Variants in INSYN2B observed in about 807,000 individuals in gnomAD.
INSYN2B encodes inhibitory synaptic factor family member 2B.
In INSYN2B, 16 loss-of-function variants were observed where a neutral mutation model predicts 41.2. The ratio of observed to expected loss-of-function variants is 0.39; its 90% CI spans 0.26 to 0.59. The LOEUF (loss-of-function observed/expected upper bound fraction) is 0.59, where lower values mean the gene tolerates loss of function less well. Ranked by LOEUF, INSYN2B falls within the 20% of genes least tolerant of loss-of-function variation. INSYN2B has a pLI of 0.57. For synonymous variants in INSYN2B, 245 were observed against 244.4 expected (o/e 1.00, Z -0.02); for missense variants, 608 against 646.4 (o/e 0.94, Z 0.64).
intron 1 of INSYN2B, among the ~76,000 whole-genome samples, chr5:169,921,813 A>G (rs1480637150): frequency 1.3e-5 from 2 of 152,200 alleles, no homozygotes; most frequent in Non-Finnish European, 2.9e-5. Flanking sequence ...AGAGCTCTTA[A>G]TCGAACTTTT....
intron 1 of INSYN2B, among the ~76,000 whole-genome samples, chr5:169,953,411 A>G (rs1231785362): frequency 1.3e-5 from 2 of 151,424 alleles, no homozygotes; most frequent in Admixed American, 6.6e-5. Context: ...AGCTTCCTCT[A>G]TTTCTGAGAG....
At chr5:169,959,254 G>C (rs759809802) in intron 1 of INSYN2B, among the ~76,000 whole-genome samples, 1 of 151,954 alleles carries the variant, frequency 6.6e-6, no homozygotes, top group Non-Finnish European at 1.5e-5. Flanking sequence ...ATAGCTGGGC[G>C]TGGTGGTGCA....
chr5:169,971,628 A>G (rs962019072), intron 1 of INSYN2B, among the ~76,000 whole-genome samples: 30 of 152,286 alleles, frequency 2.0e-4, no homozygotes, highest in African/African-American at 7.0e-4. Context: ...TTTTGCTGTT[A>G]ACAGATGAAA....
At chr5:169,873,400 C>T (rs533164909) in intron 3 of INSYN2B, among the ~76,000 whole-genome samples, 2 of 152,194 alleles carry the variant, frequency 1.3e-5, no homozygotes, top group Non-Finnish European at 2.9e-5. Flanking sequence ...TGCTCGAGGG[C>T]ATTGCTATGA....
At chr5:169,973,121 C>A (rs1430557006) in intron 1 of INSYN2B, among the ~76,000 whole-genome samples, 2 of 152,186 alleles carry the variant, frequency 1.3e-5, no homozygotes, top group East Asian at 1.9e-4. Flanking sequence ...CTTTTATCCA[C>A]AAAGTAATCT....
chr5:169,941,963 G>A (rs1181925120), intron 1 of INSYN2B, among the ~76,000 whole-genome samples: 1 of 152,192 alleles, frequency 6.6e-6, no homozygotes, highest in Non-Finnish European at 1.5e-5. Flanking sequence ...CCATTCAGAA[G>A]TAAAACTGTA....
intron 3 of INSYN2B, among the ~76,000 whole-genome samples, chr5:169,879,352 C>T (rs1390449406): frequency 6.6e-6 from 1 of 152,114 alleles, no homozygotes; most frequent in Non-Finnish European, 1.5e-5. Flanking sequence ...AGTTTGAAGT[C>T]ATTTGAATGT....
chr5:169,934,462 G>C (rs932656051), intron 1 of INSYN2B, among the ~76,000 whole-genome samples: 1 of 152,178 alleles, frequency 6.6e-6, no homozygotes, highest in African/African-American at 2.4e-5. Context: ...CACCACACTG[G>C]TTTTGTAGTA....
At chr5:169,977,582 A>G (rs1252868383) in intron 1 of INSYN2B, among the ~76,000 whole-genome samples, 2 of 152,208 alleles carry the variant, frequency 1.3e-5, no homozygotes, top group Admixed American at 1.3e-4. Flanking sequence ...CAAAACTAGT[A>G]AGAGATACAG....
At chr5:169,943,629 G>A in intron 1 of INSYN2B, among the ~76,000 whole-genome samples, 1 of 152,094 alleles carries the variant, frequency 6.6e-6, no homozygotes, top group East Asian at 1.9e-4. Context: ...TTATCTGCCT[G>A]GCCTCATCAG....
At chr5:169,964,522 G>T (rs1164974573) in intron 1 of INSYN2B, among the ~76,000 whole-genome samples, 1 of 152,228 alleles carries the variant, frequency 6.6e-6, no homozygotes, top group Non-Finnish European at 1.5e-5. Flanking sequence ...CAGCTCTTCT[G>T]CTGGAATAGA....
chr5:169,882,485 G>T, intron 2 of INSYN2B, 68 bp downstream of exon 2: 2 of 1,333,608 alleles, frequency 1.5e-6, no homozygotes, highest in Non-Finnish European at 2.0e-6. Context: ...AACCAAAGCT[G>T]TCTCTGCCCC....
chr5:169,911,517 G>A (rs1382344516), intron 1 of INSYN2B, among the ~76,000 whole-genome samples: 1 of 152,150 alleles, frequency 6.6e-6, no homozygotes. Flanking sequence ...TTTATTACCT[G>A]CTGGTGAGAG....
chr5:169,883,393 G>A lies in INSYN2B; in HGVS notation c.506C>T (p.Ala169Val). ...DGPRRVKVSH[A>V]FLPRVPKVQS... ...CACCTTGGGGACCCTTGGGAGGAAT[G>A]CATGGGACACCTTGACCCTTCGAGG... Residue 169 changes from alanine to valine, a missense_variant, in exon 2 of 4, where the codon GCA becomes GTA. Physicochemically the swap from Ala to Val is moderately conservative, Grantham distance 64. Coordinates refer to ENST00000377365, the MANE Select transcript of INSYN2B (RefSeq NM_001129891.3). The A allele has an allele frequency of 6.4e-7, 1 of 1,551,700 alleles. No homozygotes were observed. Among genetic ancestry groups the A allele is most frequent in the South Asian group, 1.2e-5 (1 of 84,068 alleles).
intron 1 of INSYN2B, among the ~76,000 whole-genome samples, chr5:169,933,491 A>G (rs1350907002): frequency 1.3e-5 from 2 of 152,226 alleles, no homozygotes; most frequent in Non-Finnish European, 2.9e-5. Flanking sequence ...AGTCTGCATA[A>G]ATAAATTCAG....
chr5:169,908,037 T>C (rs368006675), intron 1 of INSYN2B, among the ~76,000 whole-genome samples: 74 of 152,302 alleles, frequency 4.9e-4, no homozygotes, highest in African/African-American at 1.8e-3. Context: ...CTAGAAGCTG[T>C]GATGGAACAA....
At chr5:169,939,698 C>T (rs180906974) in intron 1 of INSYN2B, among the ~76,000 whole-genome samples, 20 of 152,092 alleles carry the variant, frequency 1.3e-4, no homozygotes, top group African/African-American at 4.3e-4. Context: ...TTGACTGAGA[C>T]GTCATTATGC....
intron 1 of INSYN2B, among the ~76,000 whole-genome samples, chr5:169,914,577 C>T (rs1397348797): frequency 6.6e-6 from 1 of 152,160 alleles, no homozygotes. Context: ...TCTAATCTGG[C>T]CTGCACAGTG....
chr5:169,912,843 T>G (rs1440020266), intron 1 of INSYN2B, among the ~76,000 whole-genome samples: 1 of 151,526 alleles, frequency 6.6e-6, no homozygotes, highest in Non-Finnish European at 1.5e-5. Context: ...AGGTACTTCT[T>G]TTTTTTTTCA....
Sources: gnomAD v4.1 joint callset for allele counts (sites outside exome capture counted in the v4.1 genomes callset) on GRCh38, gnomAD v4.1.1 for gene constraint, MANE v1.5 for transcripts, NCBI Gene and HGNC (gene_info 2026-07-23, HGNC 2026-07-21) for gene names.